RAPGEF5: variants seen among roughly 807,000 people sequenced by gnomAD.
RAPGEF5 encodes Rap guanine nucleotide exchange factor 5.
A neutral mutation model predicts 125.2 loss-of-function variants in RAPGEF5; 65 were observed. That is an observed-to-expected ratio of 0.52 (90% CI 0.43 to 0.64). The LOEUF is 0.64. Ranked by LOEUF, RAPGEF5 falls within the 30% of genes least tolerant of loss-of-function variation. The probability of loss-of-function intolerance (pLI) is 0.00; values close to 1 mark genes in which losing one functional copy is unlikely to be tolerated. For missense variants in RAPGEF5, 958 were observed against 1,048.1 expected (o/e 0.91, Z 1.19); for synonymous variants, 391 against 385.9 (o/e 1.01, Z -0.16).
intron 8 of RAPGEF5, among the ~76,000 whole-genome samples, chr7:22,220,531 A>C (rs961797335): frequency 3.6e-4 from 55 of 152,226 alleles, no homozygotes; most frequent in African/African-American, 1.3e-3. Flanking sequence ...GCATTAGTAA[A>C]ATACCACTAA....
At chr7:22,139,344 G>C (rs1188816105) in intron 21 of RAPGEF5, among the ~76,000 whole-genome samples, 1 of 152,176 alleles carries the variant, frequency 6.6e-6, no homozygotes, top group Admixed American at 6.5e-5. Flanking sequence ...AAGGAAAGGA[G>C]AGCGAAGGAA....
At chr7:22,290,476 T>G (rs1266193929) in intron 6 of RAPGEF5, among the ~76,000 whole-genome samples, 1 of 152,216 alleles carries the variant, frequency 6.6e-6, no homozygotes, top group Non-Finnish European at 1.5e-5. Flanking sequence ...CCGGGCGCGG[T>G]GGCTCACGCC....
intron 9 of RAPGEF5, among the ~76,000 whole-genome samples, chr7:22,199,746 C>T (rs1785235511): frequency 6.6e-6 from 1 of 152,008 alleles, no homozygotes; most frequent in African/African-American, 2.4e-5. Flanking sequence ...TTCTGAGCCA[C>T]TCTACCCTGT....
chr7:22,160,069 G>T (rs972839680), intron 14 of RAPGEF5, among the ~76,000 whole-genome samples: 5 of 152,098 alleles, frequency 3.3e-5, no homozygotes, highest in African/African-American at 4.8e-5. Context: ...AGATTGCGCT[G>T]CTGCATTCCA....
chr7:22,297,293 G>A (rs977797511), intron 5 of RAPGEF5, among the ~76,000 whole-genome samples: 1 of 152,204 alleles, frequency 6.6e-6, no homozygotes, highest in Non-Finnish European at 1.5e-5. Context: ...AAATAAGAAT[G>A]TGGACCATGC....
chr7:22,283,117 T>C (rs997885671), intron 6 of RAPGEF5, among the ~76,000 whole-genome samples: 1 of 151,986 alleles, frequency 6.6e-6, no homozygotes, highest in African/African-American at 2.4e-5. Flanking sequence ...TTCTGGGTCA[T>C]TTCATTATAG....
Position 22,254,259 on chromosome 7 carries a change from T to C in RAPGEF5, c.796+12705A>G, listed in dbSNP as rs116144939. Among the ~76,000 whole-genome samples, 1,478 of 151,976 alleles carry C rather than the reference T, an allele frequency of 9.7e-3. 26 individuals carry two copies. Among genetic ancestry groups the C allele is most frequent in the African/African-American group, 0.033 (1,379 of 41,402 alleles). On this transcript the variant is annotated intron_variant, in intron 7 of 25. Coordinates refer to ENST00000665637, the MANE Select transcript of RAPGEF5 (RefSeq NM_012294.5). ...CAAAATCGTGTTACTGGTGATGTGATTGTTACTCACAGTAGATCTGGAAAG... is the reference window on the plus strand; with the variant it reads ...CAAAATCGTGTTACTGGTGATGTGACTGTTACTCACAGTAGATCTGGAAAG...
chr7:22,205,252 A>G (rs548677082), intron 9 of RAPGEF5, among the ~76,000 whole-genome samples: 5 of 152,322 alleles, frequency 3.3e-5, no homozygotes, highest in African/African-American at 7.2e-5. Flanking sequence ...CTGTATTACA[A>G]AGTGACTACC....
rs369884676 is a variant in RAPGEF5, at chr7:22,266,631, A to G, written c.796+333T>C. Among the ~76,000 whole-genome samples the G allele has an allele frequency of 2.0e-5, 3 of 152,292 alleles. No individual in the cohort carries two copies. The East Asian group carries it at 5.8e-4, about 29-fold the overall frequency. ...CCATTGTCCTTTGTCATTAAGATACATAATTACAAGGTGATCGGCTTACTT... is the reference window on the plus strand; with the variant it reads ...CCATTGTCCTTTGTCATTAAGATACGTAATTACAAGGTGATCGGCTTACTT... On this transcript the variant is annotated intron_variant, in intron 7 of 25. Coordinates refer to ENST00000665637, the MANE Select transcript of RAPGEF5 (RefSeq NM_012294.5).
chr7:22,185,039 C>T (rs759192391), intron 11 of RAPGEF5, among the ~76,000 whole-genome samples: 1 of 152,134 alleles, frequency 6.6e-6, no homozygotes, highest in Non-Finnish European at 1.5e-5. Flanking sequence ...GAGATTAGAA[C>T]GCTCTTAAGT....
At chr7:22,305,203 A>T (rs1318322058) in intron 5 of RAPGEF5, among the ~76,000 whole-genome samples, 1 of 152,194 alleles carries the variant, frequency 6.6e-6, no homozygotes, top group Non-Finnish European at 1.5e-5. Flanking sequence ...AATAGAGATA[A>T]TAATAGTACC....
At chr7:22,267,927 T>C (rs1782323471) in intron 6 of RAPGEF5, among the ~76,000 whole-genome samples, 1 of 152,030 alleles carries the variant, frequency 6.6e-6, no homozygotes, top group South Asian at 2.1e-4. Flanking sequence ...AATGACACTT[T>C]AAAGGGAGTT....
At chr7:22,184,248 A>G (rs1234582737) in intron 11 of RAPGEF5, among the ~76,000 whole-genome samples, 1 of 152,232 alleles carries the variant, frequency 6.6e-6, no homozygotes, top group Non-Finnish European at 1.5e-5. Context: ...CACAGAATAA[A>G]CAAGGGTGGA....
chr7:22,310,000 T>G lies in RAPGEF5; in HGVS notation c.480A>C (p.Gln160His), dbSNP rs763659429. The change falls in exon 4 of 26, where the codon CAA becomes CAC. Residue 160 changes from glutamine to histidine, a missense_variant. By Grantham distance (24) the Gln-to-His change is conservative. Transcript: ENST00000665637. The stretch of plus-strand genomic sequence containing the variant: ...ACATAATTCCCATGTCCAGTAGGAG[T>G]TGCCAGACTCCTATGGCCATAGATC... The part of the protein sequence containing the change: ...QCRSMAIGVW[Q>H]LLLDMGIMLS... 1 of 1,592,130 alleles carries G rather than the reference T, an allele frequency of 6.3e-7. No individual in the cohort carries two copies. Among genetic ancestry groups the G allele is most frequent in the African/African-American group, 1.4e-5 (1 of 73,324 alleles).
At chr7:22,200,485 T>C (rs894152454) in intron 9 of RAPGEF5, among the ~76,000 whole-genome samples, 8 of 152,210 alleles carry the variant, frequency 5.3e-5, no homozygotes, top group African/African-American at 1.9e-4. Context: ...GGAGAGTATT[T>C]AGATAACGAC....
At chr7:22,125,727 G>T in intron 24 of RAPGEF5, 69 bp from the exon 25 acceptor site, 2 of 1,404,414 alleles carry the variant, frequency 1.4e-6, no homozygotes, top group African/African-American at 1.4e-5. Flanking sequence ...AGCAGTGCCT[G>T]CTAGGATGGA....
At position 22,136,068 on chromosome 7, in the gene RAPGEF5, T is replaced by C; in HGVS notation, c.2386A>G (p.Lys796Glu). ...AGCAATAAGGGCATGAAAGGGATTT[T>C]TGGTGGCTTCATCTTTTTGAATGCA... is the stretch of plus-strand genomic sequence containing the variant. Reference protein sequence around the residue: ...RDAFKKMKPPKIPFMPLLLKD... With the variant: ...RDAFKKMKPPEIPFMPLLLKD... Residue 796 changes from lysine to glutamate, a missense_variant, in exon 23 of 26, where the codon AAA (lysine) becomes GAA (glutamate). Lys to Glu is a moderately conservative substitution (Grantham distance 56). Transcript: ENST00000665637. 1 of 1,612,254 alleles carries C rather than the reference T, an allele frequency of 6.2e-7. No individual in the cohort carries two copies. Among genetic ancestry groups the C allele is most frequent in the Non-Finnish European group, 8.5e-7 (1 of 1,178,678 alleles).
intron 3 of RAPGEF5, among the ~76,000 whole-genome samples, chr7:22,310,335 T>C (rs1480206332): frequency 6.6e-6 from 1 of 152,224 alleles, no homozygotes; most frequent in East Asian, 1.9e-4. Context: ...AGTAAGTATA[T>C]ATCTTTACAA....
rs916115456 is a variant in RAPGEF5, at chr7:22,182,390, GGTT to G, written c.1204+10974_1204+10976del. Among the ~76,000 whole-genome samples, 3 of 152,118 alleles carry G rather than the reference GGTT, an allele frequency of 2.0e-5. 1 individual carries two copies. Among genetic ancestry groups the G allele is most frequent in the Non-Finnish European group, 4.4e-5 (3 of 68,016 alleles). On this transcript the variant is annotated intron_variant, in intron 11 of 25. Coordinates refer to ENST00000665637, the MANE Select transcript of RAPGEF5 (RefSeq NM_012294.5). ...AACTATCATTTTGCTAAAATTACTA[GGTT>G]GTCAAACCCACAACTGACACAATAT...
Sources: gnomAD v4.1 joint callset for allele counts (sites outside exome capture counted in the v4.1 genomes callset) on GRCh38, gnomAD v4.1.1 for gene constraint, MANE v1.5 for transcripts, NCBI Gene and HGNC (gene_info 2026-07-23, HGNC 2026-07-21) for gene names.